Variants in MYH9 observed in about 807,000 individuals in gnomAD.
The protein encoded by MYH9 is myosin-9.
A neutral mutation model predicts 241.9 loss-of-function variants in MYH9; 29 were observed. The ratio of observed to expected loss-of-function variants is 0.12; its 90% confidence interval spans 0.09 to 0.16. The LOEUF is 0.16. Ranked by LOEUF, MYH9 falls within the 10% of genes least tolerant of loss-of-function variation. The pLI, the probability that MYH9 is intolerant of heterozygous loss-of-function variation, is 1.00. For synonymous variants in MYH9, 1,047 were observed against 1,062.6 expected (o/e 0.99, Z 0.29); for missense variants, 1,803 against 2,595.5 (o/e 0.69, Z 6.63).
chr22:36,300,118 G>T lies in MYH9; in HGVS notation c.2976+9C>A. On this transcript the variant is annotated intron_variant, in intron 23 of 40. Transcript: ENST00000216181. This position sits in a 1 kb window ranked among gnomAD's most constrained non-coding sequence, Gnocchi z 5.0. ...TGGAGCAGCGGCAGGCGACAGCCAC[G>T]GGCCTCACCTTGGCCAGCTTGCAGT... is the stretch of plus-strand genomic sequence containing the variant. The T allele has an allele frequency of 1.9e-6, 3 of 1,609,700 alleles. No individual in the cohort carries two copies. Among genetic ancestry groups the T allele is most frequent in the Non-Finnish European group, 1.7e-6 (2 of 1,179,984 alleles).
intron 13 of MYH9, among the ~76,000 whole-genome samples, chr22:36,313,668 G>C (rs949006683): frequency 1.3e-4 from 5 of 39,116 alleles, no homozygotes; most frequent in African/African-American, 1.8e-4. Context: ...CTGGTTTTAT[G>C]GGGGGGATGA....
chr22:36,376,832 G>A (rs2018175167), intron 1 of MYH9, among the ~76,000 whole-genome samples: 1 of 152,184 alleles, frequency 6.6e-6, no homozygotes, highest in African/African-American at 2.4e-5. Context: ...GGGAGGCCGA[G>A]GCAGGTGATC....
chr22:36,372,971 C>T (rs1252063177), intron 1 of MYH9, among the ~76,000 whole-genome samples: 1 of 152,074 alleles, frequency 6.6e-6, no homozygotes, highest in Non-Finnish European at 1.5e-5. Context: ...AATACGGGAG[C>T]AAAGGCAGCC....
chr22:36,289,786 C>G (rs1211923985), intron 31 of MYH9, among the ~76,000 whole-genome samples: 2 of 152,110 alleles, frequency 1.3e-5, no homozygotes, highest in Non-Finnish European at 2.9e-5. Flanking sequence ...ATTTCCCCAC[C>G]TTCCCTTCCT....
At chr22:36,324,048 C>T (rs970194105) in intron 5 of MYH9, among the ~76,000 whole-genome samples, 2 of 152,250 alleles carry the variant, frequency 1.3e-5, no homozygotes, top group African/African-American at 4.8e-5. Context: ...ACAGGCCAGG[C>T]TGCCAGGCTG....
intron 5 of MYH9, among the ~76,000 whole-genome samples, chr22:36,322,848 G>A (rs909529458): frequency 2.0e-5 from 3 of 152,228 alleles, no homozygotes; most frequent in African/African-American, 4.8e-5. Flanking sequence ...CTAGGGAGCC[G>A]GCGGCACAGA....
rs572828397 is a variant in MYH9, at chr22:36,360,480, G to A, written c.-19-11225C>T. On this transcript the variant is annotated intron_variant, in intron 1 of 40. Transcript: ENST00000216181. The stretch of plus-strand genomic sequence containing the variant: ...TGTAATCCCAGCACTTTGAGAGGCC[G>A]AGGCGGGCGGATCACGAGGTCAGGA... 7.2e-5 allele frequency among the ~76,000 whole-genome samples: 11 copies of A among 152,198 alleles called. 1 individual carries two copies. The South Asian group carries it at 8.3e-4, about 11-fold the overall frequency.
At chr22:36,313,667 TG>T (rs5845267) in intron 13 of MYH9, among the ~76,000 whole-genome samples, 79,996 of 151,730 alleles carry the variant, frequency 0.53, 23,755 homozygotes, top group Non-Finnish European at 0.68. Flanking sequence ...GCTGGTTTTA[TG>T]GGGGGGATGA....
intron 40 of MYH9, among the ~76,000 whole-genome samples, chr22:36,283,098 C>A (rs1302861229): frequency 6.6e-6 from 1 of 152,228 alleles, no homozygotes; most frequent in Non-Finnish European, 1.5e-5. Context: ...AAAATGCCAT[C>A]CTCTGTTGCA....
intron 1 of MYH9, among the ~76,000 whole-genome samples, chr22:36,352,308 G>A (rs2017777880): frequency 6.6e-6 from 1 of 152,202 alleles, no homozygotes; most frequent in South Asian, 2.1e-4. Context: ...CACATGGCCC[G>A]TCAAAAAGCA....
chr22:36,311,222 T>C (rs1485691714), intron 14 of MYH9, among the ~76,000 whole-genome samples: 1 of 152,238 alleles, frequency 6.6e-6, no homozygotes, highest in Non-Finnish European at 1.5e-5. Context: ...TGCACCTCTA[T>C]GGACTAAGTT....
At chr22:36,323,603 C>T (rs1017052723) in intron 5 of MYH9, among the ~76,000 whole-genome samples, 5 of 152,136 alleles carry the variant, frequency 3.3e-5, no homozygotes, top group Non-Finnish European at 7.4e-5. Flanking sequence ...GCCATGGACC[C>T]TGGCCTTACA....
Position 36,320,742 on chromosome 22 carries a change from G to C in MYH9, c.868+56C>G. ...CAAATGATGTCTACGGTCCAATTCT[G>C]GCAAGAGGCCCAGAGCCCGGCAGCC... is the stretch of plus-strand genomic sequence containing the variant. On this transcript the variant is annotated intron_variant, in intron 8 of 40. Transcript: ENST00000216181. This position sits in a 1 kb window ranked among gnomAD's most constrained non-coding sequence, Gnocchi z 4.8. The C allele has an allele frequency of 6.9e-7, 1 of 1,459,324 alleles. No individual in the cohort carries two copies. The highest frequency in any genetic ancestry group is 1.7e-5 in the Admixed American group (1 of 58,586). The allele number at this position is 1,459,324 out of a possible 1,614,324, so 90.4% of individuals were successfully genotyped here. A position where few individuals can be genotyped will look rare whatever the true frequency, so the allele number is the denominator to read the frequency against.
chr22:36,320,099 C>T lies in MYH9; in HGVS notation c.1012+121G>A. ...AATCATTTTCCCATACACTGAAGGC[C>T]TTCCCCTTCCCCTGGCCTCTAGCAG... On this transcript the variant is annotated intron_variant, in intron 9 of 40. Transcript: ENST00000216181. This position sits in a 1 kb window ranked among gnomAD's most constrained non-coding sequence, Gnocchi z 4.8. The T allele has an allele frequency of 7.2e-7, 1 of 1,388,386 alleles. No individual in the cohort carries two copies. Among genetic ancestry groups the T allele is most frequent in the South Asian group, 1.2e-5 (1 of 84,882 alleles). 86.0% of individuals were successfully genotyped at this position (1,388,386 alleles called of 1,614,324 possible).
chr22:36,380,021 C>A lies in MYH9; in HGVS notation c.-20+7786G>T, dbSNP rs150780779. Among the ~76,000 whole-genome samples the A allele has an allele frequency of 9.8e-5, 15 of 152,342 alleles. No individual in the cohort carries two copies. In the East Asian group the frequency reaches 2.7e-3, roughly 27 times the overall value. On this transcript the variant is annotated intron_variant, in intron 1 of 40. Coordinates refer to ENST00000216181, the MANE Select transcript of MYH9 (RefSeq NM_002473.6). ...TTTGGTGCCATCTAAGCACAAGGGACAGGGAGCTGGGTACAGATACAGGCC... is the reference window on the plus strand; with the variant it reads ...TTTGGTGCCATCTAAGCACAAGGGAAAGGGAGCTGGGTACAGATACAGGCC...
rs368994508 is a variant in MYH9, at chr22:36,300,874, T to C, written c.2815A>G (p.Lys939Glu). Residue 939 changes from lysine to glutamate, a missense_variant, in exon 22 of 41, where the codon AAG becomes GAG. Around this residue, in one of 11 missense-constraint regions of MYH9, gnomAD observed 290 missense variants for 360.5 expected, o/e 0.80. Transcript: ENST00000216181. The surrounding 1 kb of genome is among the most constrained non-coding windows in gnomAD (Gnocchi z 5.0). Reference protein sequence around the residue: ...ERCQHLQAEKKKMQQNIQELE... With the variant: ...ERCQHLQAEKEKMQQNIQELE... ...ACCTGGATGTTCTGCTGCATCTTCT[T>C]CTTCTCCGCCTGCAGGTGCTGGCAG... 1.2e-6 allele frequency: 2 copies of C among 1,602,998 alleles called. No individual in the cohort carries two copies. Among genetic ancestry groups the C allele is most frequent in the Non-Finnish European group, 1.7e-6 (2 of 1,179,938 alleles).
At chr22:36,316,841 T>G (rs2017161202) in intron 11 of MYH9, among the ~76,000 whole-genome samples, 172 bp from the exon 12 acceptor site, 1 of 152,180 alleles carries the variant, frequency 6.6e-6, no homozygotes, top group South Asian at 2.1e-4. Flanking sequence ...TGGTGTTATT[T>G]AAAATGATGA....
At chr22:36,369,211 C>CTT (rs1382210578) in intron 1 of MYH9, among the ~76,000 whole-genome samples, 1 of 152,206 alleles carries the variant, frequency 6.6e-6, no homozygotes, top group Admixed American at 6.5e-5. Flanking sequence ...TTCTTTCTGT[C>CTT]TAACATAGGT....
At chr22:36,291,227 T>C (rs1202029551) in intron 31 of MYH9, among the ~76,000 whole-genome samples, 1 of 151,964 alleles carries the variant, frequency 6.6e-6, no homozygotes, top group Non-Finnish European at 1.5e-5. Context: ...GGCGGTTTTG[T>C]GGAATAGAAA....
Sources: gnomAD v4.1 joint callset for allele counts (sites outside exome capture counted in the v4.1 genomes callset) on GRCh38, gnomAD v4.1.1 for gene constraint, gnomAD v4.1.1 regional missense constraint, Gnocchi (gnomAD v3.1) non-coding constraint, MANE v1.5 for transcripts, NCBI Gene and HGNC (gene_info 2026-07-23, HGNC 2026-07-21) for gene names.